The following FHIT variants were observed in gnomAD, a reference collection of about 807,000 sequenced individuals.
FHIT encodes bis(5'-adenosyl)-triphosphatase.
Under a neutral mutation model 17.9 loss-of-function variants are expected in FHIT, and 19 were observed. That is an observed-to-expected ratio of 1.06 (90% CI 0.74 to 1.56). The LOEUF is 1.56. FHIT is among the 40% of genes most tolerant of loss of function. The probability of loss-of-function intolerance (pLI) is 0.00; values close to 1 mark genes in which losing one functional copy is unlikely to be tolerated. For synonymous variants in FHIT, 81 were observed against 69.7 expected, an observed-to-expected ratio of 1.16 and a Z score of -0.81; for missense variants, 248 against 189.2, an observed-to-expected ratio of 1.31 and a Z score of -1.82.
At chr3:59,817,610 A>T (rs1256757025) in intron 8 of FHIT, among the ~76,000 whole-genome samples, 1 of 151,864 alleles carries the variant, frequency 6.6e-6, no homozygotes, top group Non-Finnish European at 1.5e-5. Context: ...AAAAAGAAAA[A>T]GAAGAACAAA....
intron 8 of FHIT, among the ~76,000 whole-genome samples, chr3:59,917,410 G>A (rs115132539): frequency 0.012 from 1,779 of 152,296 alleles, 37 homozygotes; most frequent in Non-Finnish European, 0.013. Context: ...GCTAGGGTAA[G>A]TCTTACTGAG....
chr3:61,154,482 T>G (rs1009714816), intron 2 of FHIT, among the ~76,000 whole-genome samples: 1 of 152,114 alleles, frequency 6.6e-6, no homozygotes, highest in Non-Finnish European at 1.5e-5. Context: ...TTTGTTATTT[T>G]TTTTCCTTCT....
intron 4 of FHIT, among the ~76,000 whole-genome samples, chr3:60,662,080 T>G (rs2040260653): frequency 6.6e-6 from 1 of 152,112 alleles, no homozygotes; most frequent in Admixed American, 6.6e-5. Flanking sequence ...TATCTTTGTT[T>G]TTGCTTTTCG....
intron 8 of FHIT, among the ~76,000 whole-genome samples, chr3:59,812,312 T>C (rs1257607498): frequency 2.0e-5 from 3 of 152,158 alleles, no homozygotes; most frequent in Admixed American, 6.5e-5. Context: ...GCTTTCCAGA[T>C]TGACTCTGGA....
intron 3 of FHIT, among the ~76,000 whole-genome samples, chr3:60,887,088 T>G (rs1705259923): frequency 6.6e-6 from 1 of 152,218 alleles, no homozygotes; most frequent in Non-Finnish European, 1.5e-5. Flanking sequence ...TAGGAAAAAT[T>G]TGTCTCTCCT....
At position 60,160,151 on chromosome 3, in the gene FHIT, T is replaced by G. The variant is rs540738082; in HGVS notation, c.104-145999A>C. On this transcript the variant is annotated intron_variant, in intron 5 of 9. Transcript: ENST00000492590. ...GTGTGTGTGTGTGTGTGTCTGTGTG[T>G]CTGTGTGTCTGTGTGTGTATGTTTA... 3.3e-3 allele frequency among the ~76,000 whole-genome samples: 508 copies of G among 152,182 alleles called. 4 individuals carry two copies. The highest frequency in any genetic ancestry group is 0.012 in the African/African-American group (488 of 41,516).
chr3:60,635,499 C>G (rs1553683581), intron 4 of FHIT, among the ~76,000 whole-genome samples: 1 of 152,190 alleles, frequency 6.6e-6, no homozygotes, highest in East Asian at 1.9e-4. Flanking sequence ...ACCTCTACTA[C>G]CTGGCTCCAT....
chr3:60,410,955 C>T (rs548297716), intron 5 of FHIT, among the ~76,000 whole-genome samples: 2 of 152,036 alleles, frequency 1.3e-5, no homozygotes, highest in South Asian at 2.1e-4. Context: ...TTCTTCTTGA[C>T]CATTAATTCT....
chr3:60,191,639 T>G (rs370514114), intron 5 of FHIT, among the ~76,000 whole-genome samples: 25 of 152,246 alleles, frequency 1.6e-4, no homozygotes, highest in African/African-American at 5.5e-4. Flanking sequence ...TGAGGCCAGA[T>G]GAATTAATCA....
At chr3:60,656,499 A>C (rs1435693528) in intron 4 of FHIT, among the ~76,000 whole-genome samples, 2 of 152,050 alleles carry the variant, frequency 1.3e-5, no homozygotes, top group Admixed American at 6.6e-5. Context: ...ACCTCTACAG[A>C]CTCTCCATTC....
At chr3:61,083,179 T>C (rs1017688926) in intron 2 of FHIT, among the ~76,000 whole-genome samples, 1 of 152,244 alleles carries the variant, frequency 6.6e-6, no homozygotes, top group African/African-American at 2.4e-5. Context: ...TATTGAGATA[T>C]AACTCACATA....
intron 5 of FHIT, among the ~76,000 whole-genome samples, chr3:60,072,560 T>C (rs1014449829): frequency 2.0e-5 from 3 of 152,232 alleles, no homozygotes; most frequent in Admixed American, 6.5e-5. Flanking sequence ...TAACTTAGTC[T>C]TTCCAATTAA....
intron 4 of FHIT, among the ~76,000 whole-genome samples, chr3:60,703,603 T>C (rs1324306917): frequency 6.6e-6 from 1 of 152,148 alleles, no homozygotes; most frequent in Non-Finnish European, 1.5e-5. Flanking sequence ...GAAATTAGCA[T>C]AAAATATCTC....
chr3:61,108,778 G>A (rs1333150280), intron 2 of FHIT, among the ~76,000 whole-genome samples: 5 of 152,148 alleles, frequency 3.3e-5, no homozygotes, highest in African/African-American at 1.2e-4. Flanking sequence ...TATTTTGTGT[G>A]GGTGTGGCAG....
chr3:60,549,965 C>G (rs1205492778), intron 4 of FHIT, among the ~76,000 whole-genome samples: 1 of 152,160 alleles, frequency 6.6e-6, no homozygotes, highest in East Asian at 1.9e-4. Context: ...GCACGAATGT[C>G]TTTGGGGGAT....
chr3:60,823,957 G>C (rs1553740153), intron 3 of FHIT, among the ~76,000 whole-genome samples: 1 of 152,200 alleles, frequency 6.6e-6, no homozygotes, highest in African/African-American at 2.4e-5. Flanking sequence ...AGGGAGGCCA[G>C]TATGGCTGGA....
At chr3:60,378,240 A>T (rs1000743587) in intron 5 of FHIT, among the ~76,000 whole-genome samples, 22 of 151,014 alleles carry the variant, frequency 1.5e-4, no homozygotes, top group African/African-American at 4.9e-4. Context: ...TCACAGGATG[A>T]TCTCGATCTC....
At chr3:61,122,816 C>A (rs984904674) in intron 2 of FHIT, among the ~76,000 whole-genome samples, 6 of 152,150 alleles carry the variant, frequency 3.9e-5, no homozygotes, top group African/African-American at 1.4e-4. Context: ...CCATCTCACA[C>A]CAGTTAGAAT....
intron 4 of FHIT, among the ~76,000 whole-genome samples, chr3:60,570,384 C>T (rs2037332860): frequency 1.3e-5 from 2 of 152,114 alleles, no homozygotes; most frequent in South Asian, 2.1e-4. Context: ...GTTGGTAATA[C>T]ATCTCCAGGC....
Sources: gnomAD v4.1 joint callset for allele counts (sites outside exome capture counted in the v4.1 genomes callset) on GRCh38, gnomAD v4.1.1 for gene constraint, MANE v1.5 for transcripts, NCBI Gene and HGNC (gene_info 2026-07-23, HGNC 2026-07-21) for gene names.